MAP4K4: variants seen among roughly 807,000 people sequenced by gnomAD.
MAP4K4 encodes mitogen-activated protein kinase kinase kinase kinase 4.
Under a neutral mutation model 189.6 loss-of-function variants are expected in MAP4K4, and 38 were observed. The observed-to-expected ratio is 0.20, with a 90% confidence interval of 0.15 to 0.26. The LOEUF is 0.26. MAP4K4 is among the 10% of genes least tolerant of loss of function. MAP4K4 has a pLI of 1.00. For missense variants in MAP4K4, 1,054 were observed against 1,726.9 expected, an observed-to-expected ratio of 0.61 and a Z score of 6.91; for synonymous variants, 610 against 624.3, an observed-to-expected ratio of 0.98 and a Z score of 0.34.
intron 23 of MAP4K4, 108 bp from the exon 24 acceptor site, chr2:101,871,386 A>T: frequency 1.2e-6 from 1 of 868,992 alleles, no homozygotes; most frequent in Admixed American, 2.9e-5. Flanking sequence ...TTCCTTGGTA[A>T]TTTAGCAGAG....
intron 13 of MAP4K4, among the ~76,000 whole-genome samples, chr2:101,857,214 G>A (rs1307291500): frequency 1.3e-5 from 2 of 151,944 alleles, no homozygotes; most frequent in Non-Finnish European, 2.9e-5. Context: ...ATTAAATTTT[G>A]TGAATAGCAA....
At chr2:101,852,322 A>G (rs2097312182) in intron 12 of MAP4K4, among the ~76,000 whole-genome samples, 1 of 152,132 alleles carries the variant, frequency 6.6e-6, no homozygotes, top group African/African-American at 2.4e-5. Context: ...CGTTGGGTAA[A>G]TTCACAGCAG....
intron 2 of MAP4K4, among the ~76,000 whole-genome samples, chr2:101,704,692 T>A (rs373437951): frequency 1.3e-4 from 20 of 150,062 alleles, no homozygotes; most frequent in East Asian, 1.2e-3. Context: ...CCTGAGTAGC[T>A]GGGACTACAG....
At chr2:101,742,468 T>C (rs1373304274) in intron 2 of MAP4K4, among the ~76,000 whole-genome samples, 15 of 152,206 alleles carry the variant, frequency 9.9e-5, no homozygotes, top group Admixed American at 9.8e-4. Flanking sequence ...AGCTTGCTTC[T>C]CTCTCAGCCT....
chr2:101,761,642 TC>T (rs1392944996), intron 2 of MAP4K4, among the ~76,000 whole-genome samples: 3 of 151,842 alleles, frequency 2.0e-5, no homozygotes, highest in Admixed American at 6.6e-5. Flanking sequence ...CACTGCAACT[TC>T]CGCCTCCCAG....
rs917049679 is a variant in MAP4K4, at chr2:101,762,315, A to G, written c.124-28405A>G. Among the ~76,000 whole-genome samples the G allele has an allele frequency of 4.6e-5, 7 of 152,270 alleles. No homozygotes were observed. In the South Asian group the frequency reaches 1.5e-3, roughly 32 times the overall value. On this transcript the variant is annotated intron_variant, in intron 2 of 32. Transcript: ENST00000324219. ...AGGTAAGATGCTTAATCGACCCTTA[A>G]TCTTCGCTGTGGTGACAAATCCATG...
At chr2:101,840,760 G>A (rs1361101535) in intron 10 of MAP4K4, among the ~76,000 whole-genome samples, 7 of 152,120 alleles carry the variant, frequency 4.6e-5, no homozygotes, top group Admixed American at 6.5e-5. Flanking sequence ...AAATTTCAAG[G>A]TCAGAGAAGA....
chr2:101,704,118 T>C (rs1486486566), intron 2 of MAP4K4, among the ~76,000 whole-genome samples: 3 of 152,158 alleles, frequency 2.0e-5, no homozygotes, highest in African/African-American at 7.2e-5. Flanking sequence ...CTCTCGTTCT[T>C]AATTGGAGGT....
exon 4 of MAP4K4, chr2:101,823,992 T>C (rs1190390421): frequency 1.2e-6 from 2 of 1,609,358 alleles, no homozygotes; most frequent in African/African-American, 1.3e-5. Flanking sequence ...CACAGAAACA[T>C]TGCAACATAT....
At chr2:101,698,061 T>G in exon 1 of MAP4K4, 1 of 1,325,568 alleles carries the variant, frequency 7.5e-7, no homozygotes, top group Non-Finnish European at 1.0e-6. Context: ...TTATTTGTTT[T>G]TTGGTGGCAA....
intron 2 of MAP4K4, among the ~76,000 whole-genome samples, chr2:101,718,485 C>T (rs575329479): frequency 9.2e-4 from 138 of 150,474 alleles, no homozygotes; most frequent in African/African-American, 3.3e-3. Context: ...AGGGTTTCGA[C>T]AGGTTTGGTT....
chr2:101,862,059 AC>A (rs1360278178), intron 16 of MAP4K4: 1 of 151,564 alleles, frequency 6.6e-6, no homozygotes, highest in South Asian at 2.1e-4. Context: ...ACCTGGCAAA[AC>A]CCCATTTCTG....
At chr2:101,816,842 A>G (rs904305110) in intron 3 of MAP4K4, among the ~76,000 whole-genome samples, 4 of 152,060 alleles carry the variant, frequency 2.6e-5, no homozygotes, top group African/African-American at 9.7e-5. Flanking sequence ...ACAACTGACC[A>G]TTGGTTTCAG....
At chr2:101,789,491 C>A (rs80135123) in intron 2 of MAP4K4, among the ~76,000 whole-genome samples, 2 of 152,106 alleles carry the variant, frequency 1.3e-5, no homozygotes, top group Admixed American at 6.6e-5. Context: ...GCATACCAAG[C>A]GGTGTCTTAC....
intron 28 of MAP4K4, among the ~76,000 whole-genome samples, chr2:101,884,036 G>T (rs1423750116): frequency 6.6e-6 from 1 of 152,128 alleles, no homozygotes; most frequent in East Asian, 1.9e-4. Flanking sequence ...TATCCTGCAG[G>T]GGGAGCAAGA....
exon 15 of MAP4K4, chr2:101,859,784 C>T: frequency 6.2e-7 from 1 of 1,611,094 alleles, no homozygotes; most frequent in Non-Finnish European, 8.5e-7. Context: ...GCCGCCACCA[C>T]CGCAGCAGGA....
chr2:101,710,846 A>G (rs1324895965), intron 2 of MAP4K4, among the ~76,000 whole-genome samples: 1 of 152,174 alleles, frequency 6.6e-6, no homozygotes. Context: ...CTTGGTTAAT[A>G]CTACTTTGAA....
At chr2:101,730,887 A>G (rs1296795554) in intron 2 of MAP4K4, among the ~76,000 whole-genome samples, 1 of 151,746 alleles carries the variant, frequency 6.6e-6, no homozygotes, top group Non-Finnish European at 1.5e-5. Context: ...CTCTACAAAA[A>G]ACGCAGAAAA....
chr2:101,842,334 G>A (rs1277067656), intron 10 of MAP4K4, among the ~76,000 whole-genome samples: 1 of 152,124 alleles, frequency 6.6e-6, no homozygotes, highest in Non-Finnish European at 1.5e-5. Flanking sequence ...CCCCTCTCGT[G>A]GTCCTGCACG....
Sources: gnomAD v4.1 joint callset for allele counts (sites outside exome capture counted in the v4.1 genomes callset) on GRCh38, gnomAD v4.1.1 for gene constraint, MANE v1.5 for transcripts, NCBI Gene and HGNC (gene_info 2026-07-23, HGNC 2026-07-21) for gene names.